Variants in PRH1 observed in about 807,000 individuals in gnomAD.
The protein encoded by PRH1 is salivary acidic proline-rich phosphoprotein 1/2.
In PRH1, 7 loss-of-function variants were observed where a neutral mutation model predicts 7.9. The observed-to-expected ratio is 0.89, with a 90% CI of 0.50 to 1.67. The LOEUF is 1.67. PRH1 is among the 40% of genes most tolerant of loss of function. The pLI, the probability that PRH1 is intolerant of heterozygous loss-of-function variation, is 0.00. For synonymous variants in PRH1, 45 were observed against 80.8 expected (o/e 0.56, Z 2.38); for missense variants, 109 against 223.6 (o/e 0.49, Z 3.27).
chr12:11,038,550 T>G (rs1942552900), intron 1 of PRH1, among the ~76,000 whole-genome samples: 1 of 152,258 alleles, frequency 6.6e-6, no homozygotes, highest in Non-Finnish European at 1.5e-5. Context: ...ATCTGTATTA[T>G]TATTTATGTA....
chr12:10,929,329 T>C (rs1272712509), intron 2 of PRH1: 3 of 1,613,972 alleles, frequency 1.9e-6, no homozygotes. Flanking sequence ...GCTCAGGACT[T>C]AGATGAAGGT....
intron 1 of PRH1, 87 bp from the exon 2 acceptor site, chr12:10,883,183 A>T: frequency 6.9e-7 from 1 of 1,446,786 alleles, no homozygotes. Context: ...AGGACCTCTG[A>T]TCACACCCTG....
intron 2 of PRH1, among the ~76,000 whole-genome samples, chr12:10,916,747 T>A (rs1949977244): frequency 1.3e-5 from 2 of 152,030 alleles, no homozygotes; most frequent in Admixed American, 1.3e-4. Flanking sequence ...ATTAGTGTTA[T>A]CATCAACAAA....
chr12:10,899,199 G>C (rs1157950653), intron 2 of PRH1, among the ~76,000 whole-genome samples: 1 of 152,178 alleles, frequency 6.6e-6, no homozygotes, highest in Non-Finnish European at 1.5e-5. Context: ...AGTCTCAAAT[G>C]AGACTTTGGA....
intron 2 of PRH1, among the ~76,000 whole-genome samples, chr12:10,942,385 G>T (rs1171011042): frequency 6.6e-6 from 1 of 152,114 alleles, no homozygotes; most frequent in Non-Finnish European, 1.5e-5. Context: ...ACTCTCTCCT[G>T]CTGTGGCTGC....
chr12:11,134,679 T>C, intron 1 of PRH1: 1 of 171,134 alleles, frequency 5.8e-6, no homozygotes, highest in South Asian at 1.4e-4. Flanking sequence ...ACCCGATATG[T>C]AGATCGTATA....
At chr12:10,976,482 ATTAACAAC>A (rs1443373569) in intron 1 of PRH1, among the ~76,000 whole-genome samples, 1 of 152,188 alleles carries the variant, frequency 6.6e-6, no homozygotes, top group Non-Finnish European at 1.5e-5. Flanking sequence ...AAGATCTCAA[ATTAACAAC>A]CTAACATCCC....
intron 2 of PRH1, among the ~76,000 whole-genome samples, chr12:10,956,287 T>C (rs2135924196): frequency 6.6e-6 from 1 of 152,330 alleles, no homozygotes; most frequent in South Asian, 2.1e-4. Context: ...AATCAATATA[T>C]GTGATTCATC....
At chr12:10,994,265 G>A (rs4763605) in intron 1 of PRH1, among the ~76,000 whole-genome samples, 2,503 of 152,316 alleles carry the variant, frequency 0.016, 32 homozygotes, top group Middle Eastern at 0.054. Context: ...CTCCATCAAG[G>A]GATTGGATGA....
chr12:10,976,256 A>T (rs1484548334), intron 1 of PRH1, among the ~76,000 whole-genome samples: 1 of 152,176 alleles, frequency 6.6e-6, no homozygotes, highest in Non-Finnish European at 1.5e-5. Context: ...ATGTAAGTAA[A>T]TACTAAGACA....
At position 10,899,438 on chromosome 12, in the gene PRH1, A is replaced by T. The variant is rs1949694050; in HGVS notation, c.-58-15163T>A. Among the ~76,000 whole-genome samples the T allele has an allele frequency of 3.3e-5, 5 of 152,166 alleles. No individual in the cohort carries two copies. The South Asian group carries it at 1.0e-3, about 32-fold the overall frequency. ...GAGCTTAGTGAGAAGTGTTTGAGTC[A>T]TAGGGTTGGTTCCCTCATGAATGCC... On this transcript the variant is annotated intron_variant, in intron 2 of 3. Transcript: ENST00000539853.
At chr12:11,048,591 C>CTTGTTGCTGAGATG, upstream of PRH1, 1 of 586,312 alleles carries the variant, frequency 1.7e-6, no homozygotes, top group Non-Finnish European at 3.1e-6. Flanking sequence ...TTATGTGCAC[C>CTTGTTGCTGAGATG]TTGGTGCTGA....
chr12:11,108,599 G>A (rs1945499508), intron 1 of PRH1, among the ~76,000 whole-genome samples: 1 of 152,202 alleles, frequency 6.6e-6, no homozygotes, highest in African/African-American at 2.4e-5. Context: ...AAGGGAAGCT[G>A]TAAGGGACCA....
chr12:11,077,864 T>A lies in PRH1; in HGVS notation n.124-30676A>T. ...CCCAACAGTATCACCAGAACAACACTCCTAATTCTCTTCTTTAGGTGGAGA... is the reference window on the plus strand; with the variant it reads ...CCCAACAGTATCACCAGAACAACACACCTAATTCTCTTCTTTAGGTGGAGA... On this transcript the variant is annotated intron_variant and non_coding_transcript_variant, in intron 1 of 4. Transcript: ENST00000541977. 4.0e-6 allele frequency: 4 copies of A among 991,798 alleles called. No homozygotes were observed. The South Asian group carries it at 5.0e-5, about 12-fold the overall frequency. 61.4% of individuals were successfully genotyped at this position (991,798 alleles called of 1,614,324 possible).
At chr12:10,998,053 G>C (rs951307710) in intron 1 of PRH1, among the ~76,000 whole-genome samples, 3 of 152,154 alleles carry the variant, frequency 2.0e-5, no homozygotes, top group Admixed American at 6.6e-5. Context: ...ACTAATGAAT[G>C]AGTTCAATGC....
intron 1 of PRH1, among the ~76,000 whole-genome samples, chr12:11,128,795 G>A (rs1206364911): frequency 6.6e-6 from 1 of 152,204 alleles, no homozygotes; most frequent in African/African-American, 2.4e-5. Flanking sequence ...GGTTAGTTTT[G>A]TTAGGAGTTA....
chr12:11,003,173 C>G (rs1220924911), intron 1 of PRH1, among the ~76,000 whole-genome samples: 1 of 151,860 alleles, frequency 6.6e-6, no homozygotes, highest in Non-Finnish European at 1.5e-5. Flanking sequence ...ATCCCTATTT[C>G]TTACTACTAT....
At chr12:11,168,213 GAAGAAAGAAAGAAAGAAAGAAAGAAA>G (rs1947647241) in intron 1 of PRH1, among the ~76,000 whole-genome samples, 6 of 19,622 alleles carry the variant, frequency 3.1e-4, no homozygotes, top group South Asian at 2.2e-3. Context: ...AAGAAAGAAA[GAAGAAAGAAAGAAAGAAAGAAAGAAA>G]GAAAGAAAGA....
chr12:11,032,048 T>C (rs898545627), intron 1 of PRH1, among the ~76,000 whole-genome samples: 8 of 152,224 alleles, frequency 5.3e-5, no homozygotes, highest in African/African-American at 1.7e-4. Context: ...AACATTCTTA[T>C]TTTCAAACAA....
Sources: allele counts gnomAD v4.1 joint callset (sites outside exome capture counted in the v4.1 genomes callset), GRCh38; gene constraint gnomAD v4.1.1; transcripts MANE v1.5; gene names NCBI Gene and HGNC (gene_info 2026-07-23, HGNC 2026-07-21).